Variants in FBXL17 observed in about 807,000 individuals in gnomAD.
The protein encoded by FBXL17 is F-box and leucine rich repeat protein 17, also known as F-box/LRR-repeat protein 17.
FBXL17 carries 22 observed loss-of-function variants against 66.2 expected under a neutral mutation model. That is an observed-to-expected ratio of 0.33 (90% CI 0.24 to 0.47). FBXL17 has a LOEUF of 0.47. Ranked by LOEUF, FBXL17 falls within the 20% of genes least tolerant of loss-of-function variation. The pLI is 1.00. For missense variants in FBXL17, 878 were observed against 948.2 expected (o/e 0.93, Z 0.97); for synonymous variants, 474 against 400.5 (o/e 1.18, Z -2.19).
chr5:108,079,660 T>G (rs1748690300), intron 6 of FBXL17, among the ~76,000 whole-genome samples: 1 of 152,188 alleles, frequency 6.6e-6, no homozygotes, highest in African/African-American at 2.4e-5. Flanking sequence ...ATAGGCTCAC[T>G]GGGAAAACAT....
intron 6 of FBXL17, among the ~76,000 whole-genome samples, chr5:108,136,259 T>C (rs1484633819): frequency 6.6e-6 from 1 of 152,148 alleles, no homozygotes; most frequent in Non-Finnish European, 1.5e-5. Flanking sequence ...CTGGTTAATG[T>C]TCCTTGAATC....
chr5:108,140,107 G>C (rs933658929), intron 6 of FBXL17, among the ~76,000 whole-genome samples: 2 of 152,116 alleles, frequency 1.3e-5, no homozygotes, highest in Admixed American at 1.3e-4. Context: ...GTGCAGTAGA[G>C]TCATCTCAGC....
At chr5:108,331,818 C>G (rs1760136750) in intron 4 of FBXL17, among the ~76,000 whole-genome samples, 1 of 151,512 alleles carries the variant, frequency 6.6e-6, no homozygotes, top group Non-Finnish European at 1.5e-5. Flanking sequence ...TGCAACAAAT[C>G]AAAACTGAAA....
chr5:108,079,413 A>G (rs1243983066), intron 6 of FBXL17, among the ~76,000 whole-genome samples: 1 of 152,168 alleles, frequency 6.6e-6, no homozygotes, highest in African/African-American at 2.4e-5. Flanking sequence ...GTCTGAAGAT[A>G]CAATTCCTGA....
chr5:108,048,289 C>T lies in FBXL17; in HGVS notation c.1746-27288G>A, dbSNP rs1343470048. Among the ~76,000 whole-genome samples, 4 of 152,200 alleles carry T rather than the reference C, an allele frequency of 2.6e-5. No individual in the cohort carries two copies. In the East Asian group the frequency reaches 7.7e-4, roughly 29 times the overall value. On this transcript the variant is annotated intron_variant, in intron 6 of 8. Transcript: ENST00000542267. ...AACAACAACAACAGAAGTCCCCACA[C>T]AAACCCCATCCAAGGGTCAGCAGTC...
At chr5:107,924,060 GT>G (rs34494908) in intron 7 of FBXL17, among the ~76,000 whole-genome samples, 42,488 of 107,452 alleles carry the variant, frequency 0.4, 8,519 homozygotes, top group African/African-American at 0.53. Flanking sequence ...TGAGCTTAGT[GT>G]TTTTTTTTTT....
At chr5:108,222,592 T>C (rs1251994632) in intron 5 of FBXL17, among the ~76,000 whole-genome samples, 1 of 151,654 alleles carries the variant, frequency 6.6e-6, no homozygotes, top group Non-Finnish European at 1.5e-5. Context: ...CTCTTTCAGA[T>C]ACACTATACT....
intron 6 of FBXL17, among the ~76,000 whole-genome samples, chr5:108,123,002 C>T (rs1260926048): frequency 6.6e-6 from 1 of 151,714 alleles, no homozygotes; most frequent in Non-Finnish European, 1.5e-5. Flanking sequence ...CTGAGTGATA[C>T]AGGCATTATT....
chr5:107,994,786 C>T (rs773050495), intron 7 of FBXL17, among the ~76,000 whole-genome samples: 1 of 151,970 alleles, frequency 6.6e-6, no homozygotes, highest in African/African-American at 2.4e-5. Flanking sequence ...TGCAGTGAGC[C>T]GAGATTGCGC....
intron 6 of FBXL17, among the ~76,000 whole-genome samples, chr5:108,175,494 A>G (rs952652819): frequency 3.3e-5 from 5 of 152,236 alleles, no homozygotes; most frequent in African/African-American, 1.2e-4. Flanking sequence ...TTGTTAAGTA[A>G]CAACTTTGAT....
chr5:107,895,275 C>T (rs10045437), intron 7 of FBXL17, among the ~76,000 whole-genome samples: 21,147 of 151,960 alleles, frequency 0.14, 1,803 homozygotes, highest in African/African-American at 0.22. Flanking sequence ...GACTGGTACC[C>T]TCATGCCTGG....
chr5:108,063,121 CTTTTT>C (rs1270073159), intron 6 of FBXL17, among the ~76,000 whole-genome samples: 2 of 151,972 alleles, frequency 1.3e-5, no homozygotes, highest in Non-Finnish European at 2.9e-5. Context: ...ATGTGTTTTT[CTTTTT>C]TAAGTTCATT....
At chr5:108,070,394 T>C (rs1056693558) in intron 6 of FBXL17, among the ~76,000 whole-genome samples, 3 of 152,220 alleles carry the variant, frequency 2.0e-5, no homozygotes, top group Non-Finnish European at 2.9e-5. Context: ...TACTGGCAAA[T>C]GCAAAGACCT....
At chr5:107,874,881 T>C (rs1042091280) in intron 8 of FBXL17, among the ~76,000 whole-genome samples, 26 of 152,230 alleles carry the variant, frequency 1.7e-4, no homozygotes, top group African/African-American at 5.3e-4. Flanking sequence ...AACTGTTTCA[T>C]CAGCAAAAGG....
intron 7 of FBXL17, among the ~76,000 whole-genome samples, chr5:107,973,354 AT>A (rs200079422): frequency 0.031 from 3,686 of 120,244 alleles, 36 homozygotes; most frequent in Non-Finnish European, 0.045. Flanking sequence ...TTTTTTTGTA[AT>A]TTTTTTTTTT....
chr5:108,099,035 C>T (rs1749500158), intron 6 of FBXL17, among the ~76,000 whole-genome samples: 1 of 152,134 alleles, frequency 6.6e-6, no homozygotes, highest in Non-Finnish European at 1.5e-5. Flanking sequence ...ACTCATCCTG[C>T]TTACTCAATA....
intron 7 of FBXL17, among the ~76,000 whole-genome samples, chr5:107,894,599 T>C (rs946737501): frequency 8.5e-5 from 13 of 152,134 alleles, no homozygotes; most frequent in African/African-American, 3.1e-4. Flanking sequence ...GCAAATAATC[T>C]GAATCCTGCC....
intron 4 of FBXL17, chr5:108,299,007 T>C: frequency 1.0e-6 from 1 of 978,400 alleles, no homozygotes; most frequent in African/African-American, 1.7e-5. Context: ...TTTTCCTCTA[T>C]TACCTAGCTG....
chr5:108,286,006 T>C (rs1757884827), intron 4 of FBXL17, among the ~76,000 whole-genome samples: 1 of 151,946 alleles, frequency 6.6e-6, no homozygotes, highest in Non-Finnish European at 1.5e-5. Flanking sequence ...TCAATAAATG[T>C]GATTCCTCTT....
Sources: gnomAD v4.1 joint callset for allele counts (sites outside exome capture counted in the v4.1 genomes callset) on GRCh38, gnomAD v4.1.1 for gene constraint, MANE v1.5 for transcripts, NCBI Gene and HGNC (gene_info 2026-07-23, HGNC 2026-07-21) for gene names.